XPO7: variants seen among roughly 807,000 people sequenced by gnomAD.
XPO7 encodes the protein exportin-7.
Under a neutral mutation model 144.3 loss-of-function variants are expected in XPO7, and 21 were observed. That is an observed-to-expected ratio of 0.15 (90% CI 0.10 to 0.21). The LOEUF is 0.21. XPO7 is among the 10% of genes least tolerant of loss of function. The probability of loss-of-function intolerance (pLI) is 1.00; values close to 1 mark genes in which losing one functional copy is unlikely to be tolerated. For missense variants in XPO7, 808 were observed against 1,325.8 expected (o/e 0.61, Z 6.06); for synonymous variants, 580 against 499.6 (o/e 1.16, Z -2.15).
rs186268405 is a variant in XPO7, at chr8:21,974,208, T to G, written c.493-462T>G. On this transcript the variant is annotated intron_variant, in intron 5 of 27. Coordinates refer to ENST00000252512, the MANE Select transcript of XPO7 (RefSeq NM_015024.5). ...CGATTTTTTTATTTTTTTATTTTTA[T>G]TTTTTTTAGTTTTTAGAGGTGGTGG... Among the ~76,000 whole-genome samples, 10 of 139,222 alleles carry G rather than the reference T, an allele frequency of 7.2e-5. No individual in the cohort carries two copies. In the East Asian group the frequency reaches 2.3e-3, roughly 32 times the overall value. 91.3% of individuals were successfully genotyped at this position (139,222 alleles called of 152,430 possible).
At position 21,982,736 on chromosome 8, in the gene XPO7, A is replaced by T; in HGVS notation, c.1201A>T (p.Met401Leu). The T allele has an allele frequency of 1.2e-6, 2 of 1,613,974 alleles. No individual in the cohort carries two copies. Among genetic ancestry groups the T allele is most frequent in the Non-Finnish European group, 1.7e-6 (2 of 1,179,876 alleles). The change falls in exon 11 of 28, where the codon ATG becomes TTG. Residue 401 changes from methionine to leucine, a missense_variant. Met to Leu is a conservative substitution (Grantham distance 15). Coordinates refer to ENST00000252512, the MANE Select transcript of XPO7 (RefSeq NM_015024.5). ...GTATGTCAAAGCCACAGAGCCCCAC[A>T]TGCTGGAAACTTACACTCCTGAGGT... The part of the protein sequence containing the change: ...VPYVKATEPH[M>L]LETYTPEVTK...
chr8:21,970,375 C>A, intron 4 of XPO7, 65 bp downstream of exon 4: 1 of 1,349,424 alleles, frequency 7.4e-7, no homozygotes, highest in South Asian at 1.4e-5. Flanking sequence ...TATAAACACA[C>A]ACACACACAC....
intron 1 of XPO7, among the ~76,000 whole-genome samples, chr8:21,948,502 T>A (rs182544764): frequency 3.5e-4 from 53 of 152,330 alleles, no homozygotes; most frequent in African/African-American, 1.2e-3. Flanking sequence ...TGAAATTGCC[T>A]AAGGCTATAT....
chr8:21,929,113 T>C (rs1257087150), intron 1 of XPO7, among the ~76,000 whole-genome samples: 2 of 152,212 alleles, frequency 1.3e-5, no homozygotes, highest in Non-Finnish European at 2.9e-5. Flanking sequence ...ACCAACCACA[T>C]TTCAAGTGCT....
At chr8:21,942,716 C>G (rs1485461765) in intron 1 of XPO7, among the ~76,000 whole-genome samples, 1 of 152,234 alleles carries the variant, frequency 6.6e-6, no homozygotes, top group African/African-American at 2.4e-5. Flanking sequence ...GAAACCATAT[C>G]TGAACTTTCC....
At chr8:21,946,992 A>C (rs545456717) in intron 1 of XPO7, among the ~76,000 whole-genome samples, 1 of 152,344 alleles carries the variant, frequency 6.6e-6, no homozygotes, top group South Asian at 2.1e-4. Context: ...GATAAACACA[A>C]ACTAAGTTTA....
intron 1 of XPO7, among the ~76,000 whole-genome samples, chr8:21,954,052 G>A (rs939591305): frequency 1.3e-4 from 20 of 152,174 alleles, no homozygotes; most frequent in African/African-American, 4.6e-4. Context: ...GGGGACTGGG[G>A]AAGATAATTC....
chr8:21,919,913 G>T, intron 1 of XPO7, 125 bp downstream of exon 1: 1 of 219,260 alleles, frequency 4.6e-6, no homozygotes. Flanking sequence ...GCCACTCGGG[G>T]CTCTGGAGCC....
chr8:21,992,747 T>A (rs1415094465), intron 19 of XPO7, among the ~76,000 whole-genome samples: 1 of 152,200 alleles, frequency 6.6e-6, no homozygotes, highest in East Asian at 1.9e-4. Flanking sequence ...AAGTTCTTGT[T>A]TTCTAGCTCT....
At chr8:21,937,527 C>T (rs1810860141) in intron 1 of XPO7, among the ~76,000 whole-genome samples, 1 of 152,188 alleles carries the variant, frequency 6.6e-6, no homozygotes, top group Non-Finnish European at 1.5e-5. Flanking sequence ...GGCTGTTTCC[C>T]TCTGTTCCCA....
chr8:21,929,218 T>C (rs1380459793), intron 1 of XPO7, among the ~76,000 whole-genome samples: 1 of 152,240 alleles, frequency 6.6e-6, no homozygotes, highest in Non-Finnish European at 1.5e-5. Flanking sequence ...AGTGCTACTC[T>C]AGAATAAACT....
rs550289497 is a variant in XPO7 at position 21,949,922 on chromosome 8, G to A, written c.19-16935G>A. Among the ~76,000 whole-genome samples, 13 of 152,224 alleles carry A rather than the reference G, an allele frequency of 8.5e-5. No individual in the cohort carries two copies. In the South Asian group the frequency reaches 1.2e-3, roughly 15 times the overall value. ...GTATTTTTAGTAGAGACAGGGTTTC[G>A]CCATGTTGGCCAGACTGGTCTTGAA... On this transcript the variant is annotated intron_variant, in intron 1 of 27. Transcript: ENST00000252512.
At chr8:21,946,584 AAC>A (rs1491028515) in intron 1 of XPO7, among the ~76,000 whole-genome samples, 14 of 101,958 alleles carry the variant, frequency 1.4e-4, no homozygotes, top group African/African-American at 3.7e-4. Flanking sequence ...GAAAAAAAAA[AAC>A]AAAAAAAAAA....
At chr8:21,989,584 T>C (rs951723289) in intron 16 of XPO7, among the ~76,000 whole-genome samples, 3 of 152,170 alleles carry the variant, frequency 2.0e-5, no homozygotes, top group African/African-American at 4.8e-5. Context: ...CCCTGTAAAA[T>C]TATTGAAGTG....
intron 1 of XPO7, among the ~76,000 whole-genome samples, chr8:21,955,813 C>G (rs917164295): frequency 6.8e-5 from 10 of 147,552 alleles, no homozygotes; most frequent in African/African-American, 2.6e-4. Flanking sequence ...ACTGCAACCT[C>G]CGCTGCCTGG....
chr8:21,955,019 T>C (rs1811490590), intron 1 of XPO7, among the ~76,000 whole-genome samples: 2 of 152,222 alleles, frequency 1.3e-5, no homozygotes, highest in Admixed American at 1.3e-4. Flanking sequence ...AAAAATGCAG[T>C]TTTTAGGGAA....
At chr8:21,981,580 T>C (rs1398270128) in intron 9 of XPO7, 151 bp from the exon 10 acceptor site, 4 of 900,242 alleles carry the variant, frequency 4.4e-6, no homozygotes, top group Non-Finnish European at 6.6e-6. Flanking sequence ...TTCTGAACAT[T>C]ATGCAGACGT....
At chr8:21,932,550 G>C (rs1315253794) in intron 1 of XPO7, among the ~76,000 whole-genome samples, 1 of 152,010 alleles carries the variant, frequency 6.6e-6, no homozygotes, top group East Asian at 1.9e-4. Flanking sequence ...CTTTCTTGCC[G>C]AATCTTCTAA....
intron 21 of XPO7, among the ~76,000 whole-genome samples, chr8:21,997,545 T>A (rs1812992877): frequency 6.6e-6 from 1 of 152,162 alleles, no homozygotes; most frequent in African/African-American, 2.4e-5. Flanking sequence ...TTGCTGGGAC[T>A]TGTGGCAGGA....
Sources: gnomAD v4.1 joint callset for allele counts (sites outside exome capture counted in the v4.1 genomes callset) on GRCh38, gnomAD v4.1.1 for gene constraint, MANE v1.5 for transcripts, NCBI Gene and HGNC (gene_info 2026-07-23, HGNC 2026-07-21) for gene names.